The following ITPA variants were observed in gnomAD, a reference collection of about 807,000 sequenced individuals.
The protein encoded by ITPA is inosine triphosphatase.
Under a neutral mutation model 29.6 loss-of-function variants are expected in ITPA, and 29 were observed. The ratio of observed to expected loss-of-function variants is 0.98; its 90% confidence interval spans 0.73 to 1.34. The LOEUF (loss-of-function observed/expected upper bound fraction) is 1.34, where lower values mean the gene tolerates loss of function less well. Among genes scored for constraint, ITPA ranks in the 40% most tolerant of loss-of-function variants. ITPA has a pLI of 0.00. For synonymous variants in ITPA, 103 were observed against 99.3 expected (o/e 1.04, Z -0.22); for missense variants, 241 against 251.5 (o/e 0.96, Z 0.28).
chr20:3,222,279 A>C (rs1016544484), intron 7 of ITPA, among the ~76,000 whole-genome samples: 34 of 150,966 alleles, frequency 2.3e-4, no homozygotes, highest in African/African-American at 6.8e-4. Context: ...CTGGAGTGCA[A>C]CGGCGTGATC....
At chr20:3,211,740 G>A (rs765636653) in intron 1 of ITPA, among the ~76,000 whole-genome samples, 3 of 152,258 alleles carry the variant, frequency 2.0e-5, no homozygotes, top group East Asian at 1.9e-4. Flanking sequence ...TGATCCGCCC[G>A]CCAGGGCCTC....
At chr20:3,222,837 C>T (rs1380463617) in intron 7 of ITPA, among the ~76,000 whole-genome samples, 1 of 152,346 alleles carries the variant, frequency 6.6e-6, no homozygotes, top group Middle Eastern at 3.4e-3. Context: ...TTCTGTTCAG[C>T]GTTAATTCAT....
chr20:3,214,975 C>A lies in ITPA; in HGVS notation c.264-306C>A, dbSNP rs140049034. Among the ~76,000 whole-genome samples the A allele has an allele frequency of 6.0e-3, 919 of 152,224 alleles. 14 individuals are homozygous for A. The highest frequency in any genetic ancestry group is 0.021 in the African/African-American group (865 of 41,536). Reference sequence around the variant, plus strand: ...TCACAGCTCACTCCCTGGGCTCAAGCTATCCACCTGCCTCAGCCTCCCAAG... The same window carrying A: ...TCACAGCTCACTCCCTGGGCTCAAGATATCCACCTGCCTCAGCCTCCCAAG... On this transcript the variant is annotated intron_variant, in intron 4 of 7. Coordinates refer to ENST00000380113, the MANE Select transcript of ITPA (RefSeq NM_033453.4).
chr20:3,204,406 T>C, upstream of ITPA: 1 of 902,300 alleles, frequency 1.1e-6, no homozygotes. Flanking sequence ...GGCACACGAC[T>C]AGCGCACGGA....
chr20:3,225,892 A>G (rs538478498), downstream of ITPA, among the ~76,000 whole-genome samples: 3 of 152,110 alleles, frequency 2.0e-5, no homozygotes, highest in East Asian at 1.9e-4. Flanking sequence ...AGCCAGGCAT[A>G]GTGGCAGGCA....
At chr20:3,204,422 A>T, upstream of ITPA, 1 of 1,072,142 alleles carries the variant, frequency 9.3e-7, no homozygotes, top group Non-Finnish European at 1.3e-6. Context: ...ACGGACGCGC[A>T]TGCGTCCCGC....
At position 3,223,472 on chromosome 20, in the gene ITPA, C is replaced by T. The variant is rs1361531887; in HGVS notation, c.*10C>T. 6.2e-7 allele frequency: 1 copy of T among 1,602,462 alleles called. No homozygotes were observed. The highest frequency in any genetic ancestry group is 8.5e-7 in the Non-Finnish European group (1 of 1,172,206). ...CAGTTTGGCAGCTTGACTTCTGCAG[C>T]TGGAGGAGGCCCCTCAGGCCGGGGA... On this transcript the variant is annotated 3_prime_UTR_variant, in exon 8 of 8. Coordinates refer to ENST00000380113, the MANE Select transcript of ITPA (RefSeq NM_033453.4).
rs759636468 is a variant in ITPA, at chr20:3,221,899, C to G, written c.470C>G (p.Pro157Arg). 3.7e-6 allele frequency: 6 copies of G among 1,614,056 alleles called. No individual in the cohort carries two copies. In the Admixed American group the frequency reaches 8.3e-5, roughly 22 times the overall value. The change falls in exon 7 of 8, where the codon CCT (proline) becomes CGT (arginine). Residue 157 changes from proline to arginine, a missense_variant. Pro to Arg is a moderately radical substitution (Grantham distance 103). Coordinates refer to ENST00000380113, the MANE Select transcript of ITPA (RefSeq NM_033453.4). ...QDFGWDPCFQ[P>R]DGYEQTYAEM... is the part of the protein sequence containing the mutation. The stretch of plus-strand genomic sequence containing the variant: ...TTTGGCTGGGACCCCTGCTTTCAGC[C>G]TGATGGATATGAGCAGACGTAAGGA...
Position 3,223,550 on chromosome 20 carries a change from TA to T in ITPA, c.*89del. 1.0e-6 allele frequency: 1 copy of T among 983,652 alleles called. No homozygotes were observed. 60.9% of individuals were successfully genotyped at this position (983,652 alleles called of 1,614,324 possible). On this transcript the variant is annotated 3_prime_UTR_variant, in exon 8 of 8. Coordinates refer to ENST00000380113, the MANE Select transcript of ITPA (RefSeq NM_033453.4). ...CGCATCGGGCAGGCACCCCCTGAAGTACTTCCTTCAGGGTTTCCCCTTTGTG... is the reference window on the plus strand; with the variant it reads ...CGCATCGGGCAGGCACCCCCTGAAGTCTTCCTTCAGGGTTTCCCCTTTGTG...
intron 5 of ITPA, among the ~76,000 whole-genome samples, chr20:3,215,738 T>G (rs1467113979): frequency 1.3e-5 from 2 of 152,240 alleles, no homozygotes; most frequent in East Asian, 3.9e-4. Flanking sequence ...CAGGCTGGAG[T>G]ACACCGGTGT....
chr20:3,209,745 G>GTCT lies in ITPA; in HGVS notation c.66+130_66+131insTTC. 1 of 745,818 alleles carries GTCT rather than the reference G, an allele frequency of 1.3e-6. No individual in the cohort carries two copies. 46.2% of individuals were successfully genotyped at this position (745,818 alleles called of 1,614,324 possible). On this transcript the variant is annotated intron_variant, in intron 1 of 7. Transcript: ENST00000380113. The surrounding 1 kb of genome is among the most constrained non-coding windows in gnomAD (Gnocchi z 4.6). Reference sequence around the variant, plus strand: ...AACAGAATTCAGCCCGGAAGAATGGGTCCTGACCCGGCTGTGTGGAAAAGC... The same window carrying GTCT: ...AACAGAATTCAGCCCGGAAGAATGGGTCTTCCTGACCCGGCTGTGTGGAAAAGC...
At position 3,219,290 on chromosome 20, in the gene ITPA, T is replaced by G. The variant is rs372663409; in HGVS notation, c.411+658T>G. On this transcript the variant is annotated intron_variant, in intron 6 of 7. Transcript: ENST00000380113. ...GGTGTCGTCTCGGCTCACTGCAACC[T>G]CCGCCTCCAGGGTTCAAGCATAGAA... 1.4e-3 allele frequency among the ~76,000 whole-genome samples: 175 copies of G among 128,912 alleles called. 2 individuals carry two copies. The South Asian group carries it at 0.025, about 19-fold the overall frequency. 84.6% of individuals were successfully genotyped at this position (128,912 alleles called of 152,430 possible).
chr20:3,220,629 G>A (rs1025912823), intron 6 of ITPA, among the ~76,000 whole-genome samples: 6 of 151,556 alleles, frequency 4.0e-5, no homozygotes, highest in African/African-American at 1.5e-4. Context: ...GTTCATAGCA[G>A]CCTTGATCTC....
At chr20:3,204,077 G>T (rs1165452631), upstream of ITPA, among the ~76,000 whole-genome samples, 2 of 152,176 alleles carry the variant, frequency 1.3e-5, no homozygotes, top group South Asian at 2.1e-4. Context: ...AGAGCTTCAG[G>T]AATTTCCTGG....
At chr20:3,209,175 G>C (rs993350808), upstream of ITPA, 2 of 365,964 alleles carry the variant, frequency 5.5e-6, no homozygotes, top group Non-Finnish European at 1.1e-5. This position sits in a 1 kb window ranked among gnomAD's most constrained non-coding sequence, Gnocchi z 4.6. Flanking sequence ...TTTTGAGACA[G>C]CATAGGAGAG....
At chr20:3,224,748 G>A (rs2067538923), downstream of ITPA, among the ~76,000 whole-genome samples, 1 of 152,202 alleles carries the variant, frequency 6.6e-6, no homozygotes, top group Non-Finnish European at 1.5e-5. Flanking sequence ...ACTGATGGGG[G>A]ACTCCAAAGA....
Position 3,218,503 on chromosome 20 carries a change from C to T in ITPA, c.296-14C>T. On this transcript the variant is annotated splice_polypyrimidine_tract_variant and intron_variant, in intron 5 of 7. Coordinates refer to ENST00000380113, the MANE Select transcript of ITPA (RefSeq NM_033453.4). ...CCATTAGGGATGCACTGAGCCCTCACTGCCCACCCGCAGGTCTCCACCAGC... is the reference window on the plus strand; with the variant it reads ...CCATTAGGGATGCACTGAGCCCTCATTGCCCACCCGCAGGTCTCCACCAGC... 6.3e-7 allele frequency: 1 copy of T among 1,591,238 alleles called. No individual in the cohort carries two copies. Among genetic ancestry groups the T allele is most frequent in the South Asian group, 1.1e-5 (1 of 90,622 alleles).
At chr20:3,227,390 G>T, downstream of ITPA, 1 of 264,250 alleles carries the variant, frequency 3.8e-6, no homozygotes, top group Non-Finnish European at 7.5e-6. Flanking sequence ...GGGGTGGAGT[G>T]GCAGTAGCAG....
In ITPA at chr20:3,213,731, G is replaced by C. The variant is rs142760754; in HGVS notation, c.190-254G>C. 4.6e-5 allele frequency among the ~76,000 whole-genome samples: 7 copies of C among 152,294 alleles called. No homozygotes were observed. In the East Asian group the frequency reaches 1.4e-3, roughly 29 times the overall value. On this transcript the variant is annotated intron_variant, in intron 3 of 7. Coordinates refer to ENST00000380113, the MANE Select transcript of ITPA (RefSeq NM_033453.4). ...GAGAAAGCACGCTGCGGAGAGTCAG[G>C]CTGAGTGTGAATCCCAGCTCTCCCA...
Sources: allele counts gnomAD v4.1 joint callset (sites outside exome capture counted in the v4.1 genomes callset), GRCh38; gene constraint gnomAD v4.1.1; non-coding constraint Gnocchi (gnomAD v3.1); transcripts MANE v1.5; gene names NCBI Gene and HGNC (gene_info 2026-07-23, HGNC 2026-07-21).